PTPRD: variants seen among roughly 807,000 people sequenced by gnomAD.
PTPRD encodes the protein protein tyrosine phosphatase receptor type D.
Under a neutral mutation model 214.5 loss-of-function variants are expected in PTPRD, and 34 were observed. The observed-to-expected ratio is 0.16, with a 90% confidence interval of 0.12 to 0.21. PTPRD has a LOEUF of 0.21. PTPRD is among the 10% of genes least tolerant of loss of function. The pLI, the probability that PTPRD is intolerant of heterozygous loss-of-function variation, is 1.00. For synonymous variants in PTPRD, 1,128 were observed against 845.7 expected, an observed-to-expected ratio of 1.33 and a Z score of -5.79; for missense variants, 2,545 against 2,398.7, an observed-to-expected ratio of 1.06 and a Z score of -1.27.
intron 8 of PTPRD, among the ~76,000 whole-genome samples, chr9:9,515,328 G>C (rs1239153536): frequency 6.6e-6 from 1 of 151,940 alleles, no homozygotes; most frequent in East Asian, 1.9e-4. Flanking sequence ...ATATCTATGA[G>C]ATTTTAAAAA....
chr9:9,598,939 C>T (rs916815222), intron 7 of PTPRD, among the ~76,000 whole-genome samples: 19 of 151,956 alleles, frequency 1.3e-4, no homozygotes, highest in African/African-American at 4.3e-4. Context: ...AGCTCATCAT[C>T]ACAGTTCTTG....
chr9:8,745,371 A>G (rs1211573002), intron 11 of PTPRD, among the ~76,000 whole-genome samples: 3 of 152,234 alleles, frequency 2.0e-5, no homozygotes, highest in Non-Finnish European at 4.4e-5. Flanking sequence ...TGATCAACAT[A>G]AAGAAAAAGT....
At chr9:8,335,840 C>A (rs558887036) in intron 43 of PTPRD, among the ~76,000 whole-genome samples, 2 of 152,118 alleles carry the variant, frequency 1.3e-5, no homozygotes, top group Non-Finnish European at 2.9e-5. Flanking sequence ...CTCCTATATA[C>A]CAATAACAGC....
At chr9:8,628,859 T>A (rs2154312010) in intron 14 of PTPRD, among the ~76,000 whole-genome samples, 1 of 151,972 alleles carries the variant, frequency 6.6e-6, no homozygotes, top group East Asian at 1.9e-4. Context: ...AAATGCCTCA[T>A]ATCTGGTAAA....
intron 2 of PTPRD, among the ~76,000 whole-genome samples, chr9:10,393,687 TATATATATATAATATATATA>T (rs902896226): frequency 6.8e-6 from 1 of 146,912 alleles, no homozygotes; most frequent in African/African-American, 2.5e-5. Context: ...TGGGTCTTGC[TATATATATATAATATATATA>T]ATATATATAT....
rs758916661 is a variant in PTPRD, at chr9:8,500,875, A to T, written c.2007T>A (p.Thr669=). The T allele has an allele frequency of 1.2e-6, 2 of 1,614,190 alleles. No individual in the cohort carries two copies. Among genetic ancestry groups the T allele is most frequent in the Non-Finnish European group, 1.7e-6 (2 of 1,180,026 alleles). Residue 669 remains threonine (T), a synonymous_variant, in exon 24 of 46, where the codon ACT becomes ACA. Transcript: ENST00000381196. The part of the protein sequence containing the change: ...PHEILGIPSD[T]TKYLLEQLEK... ...CCAGCTGTTCCAAAAGGTATTTGGT[A>T]GTGTCCGAAGGAATTCCCAAAATCT...
chr9:10,313,038 G>A (rs1261054887), intron 3 of PTPRD, among the ~76,000 whole-genome samples: 1 of 151,854 alleles, frequency 6.6e-6, no homozygotes, highest in Non-Finnish European at 1.5e-5. Flanking sequence ...TATCAATAAT[G>A]ATTGGATATA....
intron 3 of PTPRD, among the ~76,000 whole-genome samples, chr9:10,201,830 T>A (rs1210172172): frequency 1.3e-5 from 2 of 152,076 alleles, no homozygotes; most frequent in Non-Finnish European, 2.9e-5. Flanking sequence ...TGAAAATACA[T>A]CAAAATCTGA....
chr9:9,629,693 C>T (rs116112084), intron 7 of PTPRD, among the ~76,000 whole-genome samples: 306 of 152,190 alleles, frequency 2.0e-3, no homozygotes, highest in African/African-American at 6.9e-3. Context: ...TCCCTATGCC[C>T]GTGGATGGAA....
intron 11 of PTPRD, among the ~76,000 whole-genome samples, chr9:8,910,509 G>C (rs1417215098): frequency 1.3e-5 from 2 of 152,110 alleles, no homozygotes; most frequent in African/African-American, 4.8e-5. Context: ...AAGAGAGGAA[G>C]AGAGACCTGA....
intron 7 of PTPRD, among the ~76,000 whole-genome samples, chr9:9,698,262 C>A (rs1182600153): frequency 6.6e-6 from 1 of 152,096 alleles, no homozygotes; most frequent in East Asian, 1.9e-4. Flanking sequence ...TCTTCTCTTT[C>A]TGGGTTGGTG....
chr9:9,247,436 T>C lies in PTPRD; in HGVS notation c.-202-64073A>G, dbSNP rs73641271. ...AAGGCTCCCACATCCCATAAAACGT[T>C]GATTATATACATTTGTTATGCTTTT... On this transcript the variant is annotated intron_variant, in intron 9 of 45. Transcript: ENST00000381196. Among the ~76,000 whole-genome samples, 465 of 152,222 alleles carry C rather than the reference T, an allele frequency of 3.1e-3. 3 individuals are homozygous for C. Among genetic ancestry groups the C allele is most frequent in the African/African-American group, 0.011 (437 of 41,556 alleles).
chr9:9,385,272 C>G (rs1220305003), intron 9 of PTPRD, among the ~76,000 whole-genome samples: 1 of 152,232 alleles, frequency 6.6e-6, no homozygotes, highest in African/African-American at 2.4e-5. Flanking sequence ...AAATTTTAGT[C>G]AAACATTTAT....
rs190418237 is a variant in PTPRD, at chr9:10,535,562, T to G, written c.-600+76836A>C. 3.1e-3 allele frequency among the ~76,000 whole-genome samples: 467 copies of G among 152,130 alleles called. 3 individuals are homozygous for G. Among genetic ancestry groups the G allele is most frequent in the African/African-American group, 0.011 (443 of 41,528 alleles). ...AAAATGTATACTGTTTCCCATAAAA[T>G]GAAATAATCAAGTCACCACAGCAAG... is the stretch of plus-strand genomic sequence containing the variant. On this transcript the variant is annotated intron_variant, in intron 2 of 45. Coordinates refer to ENST00000381196, the MANE Select transcript of PTPRD (RefSeq NM_002839.4).
At chr9:10,479,908 A>C (rs1156442238) in intron 2 of PTPRD, among the ~76,000 whole-genome samples, 1 of 152,116 alleles carries the variant, frequency 6.6e-6, no homozygotes, top group African/African-American at 2.4e-5. Context: ...GGGGCTTGTT[A>C]TTGCAGGGAT....
chr9:9,890,630 A>T (rs2072965908), intron 5 of PTPRD, among the ~76,000 whole-genome samples: 1 of 152,100 alleles, frequency 6.6e-6, no homozygotes, highest in African/African-American at 2.4e-5. Flanking sequence ...AGGTTCTGGG[A>T]TGGGACTCAA....
Position 9,343,529 on chromosome 9 carries a change from A to G in PTPRD, c.-203+53920T>C, listed in dbSNP as rs562904705. Among the ~76,000 whole-genome samples the G allele has an allele frequency of 3.3e-5, 5 of 152,102 alleles. No homozygotes were observed. The East Asian group carries it at 7.7e-4, about 23-fold the overall frequency. ...TGGCTACATAAACGCCTTCTTTTGT[A>G]TATCTCTGACTTTTCTCCAAATGAG... On this transcript the variant is annotated intron_variant, in intron 9 of 45. Transcript: ENST00000381196.
chr9:10,350,434 CTTATTA>C (rs966383733), intron 2 of PTPRD, among the ~76,000 whole-genome samples: 3 of 151,844 alleles, frequency 2.0e-5, no homozygotes, highest in Non-Finnish European at 4.4e-5. Flanking sequence ...TTTCATTTTA[CTTATTA>C]TTAATAGTAT....
At chr9:8,587,637 T>A (rs916291267) in intron 14 of PTPRD, among the ~76,000 whole-genome samples, 4 of 152,210 alleles carry the variant, frequency 2.6e-5, no homozygotes, top group African/African-American at 9.6e-5. Context: ...GACTAAAAGT[T>A]CTCTTATATC....
Sources: allele counts gnomAD v4.1 joint callset (sites outside exome capture counted in the v4.1 genomes callset), GRCh38; gene constraint gnomAD v4.1.1; transcripts MANE v1.5; gene names NCBI Gene and HGNC (gene_info 2026-07-23, HGNC 2026-07-21).